LINGO2: variants seen among roughly 807,000 people sequenced by gnomAD.
LINGO2 encodes leucine rich repeat and Ig domain containing 2.
LINGO2 carries 14 observed loss-of-function variants against 30.6 expected under a neutral mutation model. The ratio of observed to expected loss-of-function variants is 0.46; its 90% CI spans 0.30 to 0.72. The LOEUF is 0.72. Among genes scored for constraint, LINGO2 ranks in the 30% least tolerant of loss-of-function variants. The pLI is 0.07. For synonymous variants in LINGO2, 317 were observed against 288.5 expected (o/e 1.10, Z -1.00); for missense variants, 729 against 751.7 (o/e 0.97, Z 0.35).
At chr9:28,342,149 A>C (rs1825787637) in intron 3 of LINGO2, among the ~76,000 whole-genome samples, 1 of 152,104 alleles carries the variant, frequency 6.6e-6, no homozygotes, top group African/African-American at 2.4e-5. Flanking sequence ...TCTCGAATTC[A>C]AGGAAGTGCA....
the LINGO2 span, among the ~76,000 whole-genome samples, chr9:29,109,781 C>T: frequency 0.47 from 71,050 of 152,030 alleles, 17,288 homozygotes; most frequent in African/African-American, 0.62. Context: ...GAAGTATTAG[C>T]TAAGTTGGTG....
chr9:28,772,354 T>C, the LINGO2 span, among the ~76,000 whole-genome samples: 24 of 152,206 alleles, frequency 1.6e-4, no homozygotes, highest in Non-Finnish European at 3.1e-4. Flanking sequence ...CTTCTCTCTG[T>C]CATCTTTACT....
At chr9:28,011,215 G>C (rs1379804449) in intron 5 of LINGO2, among the ~76,000 whole-genome samples, 1 of 152,140 alleles carries the variant, frequency 6.6e-6, no homozygotes, top group African/African-American at 2.4e-5. Context: ...AACGAAGGCT[G>C]AATTTCTGTG....
At chr9:28,784,127 T>TA in the LINGO2 span, among the ~76,000 whole-genome samples, 6 of 152,222 alleles carry the variant, frequency 3.9e-5, no homozygotes, top group African/African-American at 7.2e-5. Context: ...AATTGTTTTT[T>TA]AAAAAATCAA....
intron 4 of LINGO2, among the ~76,000 whole-genome samples, chr9:28,237,655 C>T (rs530554813): frequency 2.2e-4 from 34 of 152,218 alleles, no homozygotes; most frequent in African/African-American, 8.2e-4. Flanking sequence ...GAGTTCAAGA[C>T]CAGCCTGGCC....
Position 28,437,928 on chromosome 9 carries a change from T to C in LINGO2, c.-279+38012A>G, listed in dbSNP as rs77359233. Among the ~76,000 whole-genome samples, 1,436 of 152,286 alleles carry C rather than the reference T, an allele frequency of 9.4e-3. 22 individuals are homozygous for C. Among genetic ancestry groups the C allele is most frequent in the African/African-American group, 0.033 (1,353 of 41,566 alleles). ...CACCATAGATCCAACTACCTCCTCC[T>C]CTTCCAAATGTATTTCTTACAAAGA... On this transcript the variant is annotated intron_variant, in intron 2 of 5. Coordinates refer to ENST00000379992, the Ensembl canonical transcript of LINGO2.
chr9:28,238,486 A>C (rs1587297078), intron 4 of LINGO2, among the ~76,000 whole-genome samples: 2 of 152,210 alleles, frequency 1.3e-5, no homozygotes, highest in East Asian at 3.8e-4. Flanking sequence ...AATCAACAAG[A>C]AGCAGAACTT....
intron 1 of LINGO2, among the ~76,000 whole-genome samples, chr9:28,605,607 T>C (rs1219005401): frequency 6.6e-6 from 1 of 152,034 alleles, no homozygotes; most frequent in East Asian, 1.9e-4. Flanking sequence ...GGAAGGCTTT[T>C]AAGGCAAATA....
At chr9:28,026,228 A>G (rs1205097094) in intron 4 of LINGO2, among the ~76,000 whole-genome samples, 1 of 152,092 alleles carries the variant, frequency 6.6e-6, no homozygotes, top group East Asian at 1.9e-4. Context: ...CTAAGATTTT[A>G]TTACTCGGGT....
At chr9:28,839,638 G>A in the LINGO2 span, among the ~76,000 whole-genome samples, 1 of 152,094 alleles carries the variant, frequency 6.6e-6, no homozygotes, top group East Asian at 1.9e-4. Flanking sequence ...CTGAGTCCAG[G>A]GGTTTTTACA....
At chr9:28,424,167 A>G (rs1203002575) in intron 2 of LINGO2, among the ~76,000 whole-genome samples, 1 of 152,136 alleles carries the variant, frequency 6.6e-6, no homozygotes, top group Non-Finnish European at 1.5e-5. Flanking sequence ...AATGCCTAAA[A>G]TATTTTTTAT....
chr9:28,325,608 G>A (rs1356407242), intron 3 of LINGO2, among the ~76,000 whole-genome samples: 1 of 152,136 alleles, frequency 6.6e-6, no homozygotes, highest in African/African-American at 2.4e-5. Flanking sequence ...GGTTTTATAA[G>A]GGATTTCCCT....
At chr9:28,091,975 G>T (rs1335068935) in intron 4 of LINGO2, among the ~76,000 whole-genome samples, 1 of 152,156 alleles carries the variant, frequency 6.6e-6, no homozygotes, top group Non-Finnish European at 1.5e-5. Context: ...TCAGAGAAAT[G>T]CAAATCAAAG....
chr9:28,110,324 A>T (rs934421432), intron 4 of LINGO2, among the ~76,000 whole-genome samples: 3 of 152,232 alleles, frequency 2.0e-5, no homozygotes, highest in African/African-American at 7.2e-5. Flanking sequence ...CATTCAGAAC[A>T]TAGGCATGGG....
intron 4 of LINGO2, among the ~76,000 whole-genome samples, chr9:28,101,246 G>A (rs1826407444): frequency 6.6e-6 from 1 of 151,992 alleles, no homozygotes; most frequent in South Asian, 2.1e-4. Flanking sequence ...CTTGACTATT[G>A]ATGGGGTGTC....
chr9:29,187,066 A>C, the LINGO2 span, among the ~76,000 whole-genome samples: 52,933 of 151,970 alleles, frequency 0.35, 11,025 homozygotes, highest in Admixed American at 0.49. Context: ...CCTTGTACCA[A>C]CTCACAAAGC....
the LINGO2 span, among the ~76,000 whole-genome samples, chr9:28,967,193 C>G: frequency 6.6e-6 from 1 of 152,232 alleles, no homozygotes; most frequent in Admixed American, 6.5e-5. Flanking sequence ...TGCCTTGAGG[C>G]CCAAGGCAGT....
intron 4 of LINGO2, among the ~76,000 whole-genome samples, chr9:28,156,955 G>T (rs1235190420): frequency 6.6e-6 from 1 of 152,198 alleles, no homozygotes; most frequent in African/African-American, 2.4e-5. Context: ...AGCTCCCCTT[G>T]GCTGCCTTTG....
the LINGO2 span, among the ~76,000 whole-genome samples, chr9:28,718,301 C>T: frequency 1.3e-5 from 2 of 151,974 alleles, no homozygotes; most frequent in African/African-American, 4.8e-5. Flanking sequence ...GATGGGCCAG[C>T]TCAAAGCTGG....
Sources: gnomAD v4.1 joint callset for allele counts (sites outside exome capture counted in the v4.1 genomes callset) on GRCh38, gnomAD v4.1.1 for gene constraint, MANE v1.5 for transcripts, NCBI Gene and HGNC (gene_info 2026-07-23, HGNC 2026-07-21) for gene names.